CRTC3: variants seen among roughly 807,000 people sequenced by gnomAD.
The protein encoded by CRTC3 is CREB regulated transcription coactivator 3, also known as CREB-regulated transcription coactivator 3.
CRTC3 carries 26 observed loss-of-function variants against 74.5 expected under a neutral mutation model. The observed-to-expected ratio is 0.35, with a 90% CI of 0.26 to 0.48. The LOEUF (loss-of-function observed/expected upper bound fraction) is 0.48. Ranked by LOEUF, CRTC3 falls within the 20% of genes least tolerant of loss-of-function variation. CRTC3 has a pLI of 0.99. For synonymous variants in CRTC3, 377 were observed against 325.8 expected, an observed-to-expected ratio of 1.16 and a Z score of -1.69; for missense variants, 760 against 787.3, an observed-to-expected ratio of 0.97 and a Z score of 0.41.
Position 90,644,358 on chromosome 15 carries a change from G to C in CRTC3, c.*2218G>C. The C allele has an allele frequency of 4.3e-6, 1 of 230,492 alleles. No individual in the cohort carries two copies. The highest frequency in any genetic ancestry group is 8.6e-6 in the Non-Finnish European group (1 of 116,346). 14.3% of individuals were successfully genotyped at this position (230,492 alleles called of 1,614,324 possible). A position where few individuals can be genotyped will look rare whatever the true frequency, so the allele number is the denominator to read the frequency against. ...CGATGGTGCTGATGTTTCAAGAATT[G>C]TGTTTTTATAAAACAGAGGTCTCAG... is the stretch of plus-strand genomic sequence containing the variant. On this transcript the variant is annotated 3_prime_UTR_variant, in exon 15 of 15. Transcript: ENST00000268184.
At chr15:90,562,788 C>A (rs1201337818) in intron 2 of CRTC3, among the ~76,000 whole-genome samples, 1 of 151,994 alleles carries the variant, frequency 6.6e-6, no homozygotes, top group African/African-American at 2.4e-5. Context: ...AGTTGGGAGG[C>A]AACAGCCTGG....
At chr15:90,592,552 C>G (rs1382834424) in intron 2 of CRTC3, among the ~76,000 whole-genome samples, 1 of 152,276 alleles carries the variant, frequency 6.6e-6, no homozygotes, top group African/African-American at 2.4e-5. Flanking sequence ...ATGTTAAGAA[C>G]GTACCCCAAG....
intron 2 of CRTC3, among the ~76,000 whole-genome samples, chr15:90,557,273 G>A (rs1966913385): frequency 1.3e-5 from 2 of 152,084 alleles, no homozygotes; most frequent in Admixed American, 1.3e-4. Context: ...TACACTGCCA[G>A]CACCCCCTCA....
chr15:90,543,797 C>T (rs1028433928), intron 2 of CRTC3, among the ~76,000 whole-genome samples: 2 of 152,018 alleles, frequency 1.3e-5, no homozygotes, highest in Non-Finnish European at 2.9e-5. Flanking sequence ...ATATAATCAC[C>T]ACCACAATGA....
At chr15:90,605,578 G>A (rs898984547) in intron 5 of CRTC3, among the ~76,000 whole-genome samples, 3 of 144,808 alleles carry the variant, frequency 2.1e-5, no homozygotes, top group Admixed American at 7.0e-5. Context: ...CTCTGCATTC[G>A]TTTGATATTC....
chr15:90,598,367 G>A (rs1967982378), intron 3 of CRTC3: 8 of 698,236 alleles, frequency 1.1e-5, no homozygotes, highest in African/African-American at 5.3e-5. Flanking sequence ...CTGGCCAACT[G>A]ATGTCCTCTC....
chr15:90,628,851 TG>T (rs1369415635), intron 10 of CRTC3, among the ~76,000 whole-genome samples: 3 of 151,942 alleles, frequency 2.0e-5, no homozygotes, highest in Non-Finnish European at 4.4e-5. Context: ...GCAGTGTGCT[TG>T]GGACAGAGAC....
intron 13 of CRTC3, 187 bp from the exon 14 acceptor site, chr15:90,640,910 C>T (rs933888498): frequency 1.7e-5 from 10 of 583,792 alleles, no homozygotes; most frequent in African/African-American, 1.5e-4. Context: ...TCCACCCCAG[C>T]GTCTGCCTGC....
At chr15:90,636,053 CTACTT>C (rs538674496) in intron 11 of CRTC3, among the ~76,000 whole-genome samples, 35 of 151,872 alleles carry the variant, frequency 2.3e-4, no homozygotes, top group African/African-American at 7.5e-4. Context: ...TTGGAAAAAA[CTACTT>C]TAAAGTTCAT....
chr15:90,572,530 G>A (rs1311503736), intron 2 of CRTC3, among the ~76,000 whole-genome samples: 1 of 152,060 alleles, frequency 6.6e-6, no homozygotes, highest in Non-Finnish European at 1.5e-5. Flanking sequence ...ACCAACATAT[G>A]AGTGTCTGTT....
At chr15:90,532,164 G>T (rs1485730836) in intron 1 of CRTC3, among the ~76,000 whole-genome samples, 1 of 152,112 alleles carries the variant, frequency 6.6e-6, no homozygotes, top group East Asian at 1.9e-4. Context: ...TTCTTGGCCA[G>T]TTACCAGTAA....
chr15:90,613,298 A>AG (rs913249560), intron 6 of CRTC3, among the ~76,000 whole-genome samples: 2 of 152,160 alleles, frequency 1.3e-5, no homozygotes, highest in African/African-American at 4.8e-5. Flanking sequence ...GGCTCACCCA[A>AG]GGGCTCTTTA....
intron 2 of CRTC3, among the ~76,000 whole-genome samples, chr15:90,553,212 T>A (rs1966865707): frequency 6.6e-6 from 1 of 152,214 alleles, no homozygotes. Flanking sequence ...TTTTTAAGAG[T>A]TCGTACCTCC....
intron 6 of CRTC3, among the ~76,000 whole-genome samples, chr15:90,610,831 C>T (rs1270829103): frequency 1.3e-5 from 2 of 152,148 alleles, no homozygotes; most frequent in East Asian, 3.9e-4. Context: ...TGGTCTCTTC[C>T]TTTCAGGGAA....
At chr15:90,549,301 TG>T (rs1966850125) in intron 2 of CRTC3, among the ~76,000 whole-genome samples, 1 of 152,024 alleles carries the variant, frequency 6.6e-6, no homozygotes, top group Non-Finnish European at 1.5e-5. Flanking sequence ...TGTGTGTGTG[TG>T]TGTATGTGTG....
At chr15:90,568,431 A>G (rs1967175673) in intron 2 of CRTC3, among the ~76,000 whole-genome samples, 1 of 151,848 alleles carries the variant, frequency 6.6e-6, no homozygotes, top group African/African-American at 2.4e-5. Context: ...GCCTACTGCA[A>G]CCTCTGCCTC....
In CRTC3 at chr15:90,628,804, G is replaced by A. The variant is rs146774280; in HGVS notation, c.968-430G>A. ...AGCTCCCCAAGGGCCATGACTCGCC[G>A]TGGAAGGATGTTCTCCAAAGGTAGC... On this transcript the variant is annotated intron_variant, in intron 10 of 14. Transcript: ENST00000268184. 2.0e-4 allele frequency among the ~76,000 whole-genome samples: 30 copies of A among 151,956 alleles called. 1 individual carries two copies. The East Asian group carries it at 3.7e-3, about 19-fold the overall frequency.
intron 11 of CRTC3, 22 bp downstream of exon 11, chr15:90,629,554 A>G: frequency 6.2e-7 from 1 of 1,610,882 alleles, no homozygotes; most frequent in Non-Finnish European, 8.5e-7. Flanking sequence ...CAGACAGACC[A>G]ACCACTACAG....
At chr15:90,604,578 C>A in intron 5 of CRTC3, 131 bp downstream of exon 5, 1 of 716,250 alleles carries the variant, frequency 1.4e-6, no homozygotes, top group Non-Finnish European at 2.4e-6. Flanking sequence ...AAAACAAAAC[C>A]CACCATTTTT....
Sources: gnomAD v4.1 joint callset for allele counts (sites outside exome capture counted in the v4.1 genomes callset) on GRCh38, gnomAD v4.1.1 for gene constraint, MANE v1.5 for transcripts, NCBI Gene and HGNC (gene_info 2026-07-23, HGNC 2026-07-21) for gene names.